TBC1D22A: variants seen among roughly 807,000 people sequenced by gnomAD.
TBC1D22A encodes TBC1 domain family member 22A, also known as putative GTPase activator.
A neutral mutation model predicts 60.2 loss-of-function variants in TBC1D22A; 38 were observed. The observed-to-expected ratio is 0.63, with a 90% CI of 0.49 to 0.83. The LOEUF (loss-of-function observed/expected upper bound fraction) is 0.83. Among genes scored for constraint, TBC1D22A ranks in the 40% least tolerant of loss-of-function variants. TBC1D22A has a pLI of 0.00. For synonymous variants in TBC1D22A, 302 were observed against 281.7 expected, an observed-to-expected ratio of 1.07 and a Z score of -0.72; for missense variants, 628 against 701.0, an observed-to-expected ratio of 0.90 and a Z score of 1.18.
intron 12 of TBC1D22A, among the ~76,000 whole-genome samples, chr22:47,167,506 C>T (rs891456925): frequency 2.6e-5 from 4 of 152,210 alleles, no homozygotes; most frequent in African/African-American, 4.8e-5. Flanking sequence ...GCTCAGCAAG[C>T]ATTACAGCTC....
intron 1 of TBC1D22A, among the ~76,000 whole-genome samples, chr22:46,768,663 C>T (rs1601783715): frequency 6.6e-6 from 1 of 152,180 alleles, no homozygotes; most frequent in Non-Finnish European, 1.5e-5. Flanking sequence ...TCACAGCACA[C>T]TGGGCTTGAG....
chr22:46,898,714 A>T (rs1201335252), intron 7 of TBC1D22A, among the ~76,000 whole-genome samples: 2 of 152,200 alleles, frequency 1.3e-5, no homozygotes, highest in African/African-American at 4.8e-5. Flanking sequence ...CCATGGTGAA[A>T]TTTTTACAGA....
At chr22:46,908,520 G>A (rs1266259357) in intron 7 of TBC1D22A, among the ~76,000 whole-genome samples, 1 of 152,202 alleles carries the variant, frequency 6.6e-6, no homozygotes, top group Non-Finnish European at 1.5e-5. Flanking sequence ...TTGGATGACA[G>A]CGGACATCAA....
chr22:47,069,478 A>C (rs2063884756), intron 11 of TBC1D22A, among the ~76,000 whole-genome samples: 1 of 152,136 alleles, frequency 6.6e-6, no homozygotes, highest in Non-Finnish European at 1.5e-5. Flanking sequence ...TCAGTGTTGC[A>C]TATGTCAGGA....
chr22:47,133,474 C>T (rs1022654720), intron 12 of TBC1D22A, among the ~76,000 whole-genome samples: 2 of 152,170 alleles, frequency 1.3e-5, no homozygotes, highest in Non-Finnish European at 2.9e-5. Context: ...GAAAGGGCCG[C>T]CTGTGGGGGG....
chr22:46,963,399 G>A (rs2073640277), intron 8 of TBC1D22A, among the ~76,000 whole-genome samples: 2 of 152,206 alleles, frequency 1.3e-5, no homozygotes, highest in Non-Finnish European at 2.9e-5. Context: ...AAGGCCCAGG[G>A]AGCCTTCAGA....
intron 12 of TBC1D22A, among the ~76,000 whole-genome samples, chr22:47,114,184 C>G (rs532002164): frequency 6.6e-6 from 1 of 152,054 alleles, no homozygotes; most frequent in South Asian, 2.1e-4. Context: ...TCTCTGAGCC[C>G]GGCCTACTTA....
intron 2 of TBC1D22A, chr22:46,792,803 A>G (rs758777708): frequency 1.4e-6 from 2 of 1,452,710 alleles, no homozygotes; most frequent in East Asian, 5.0e-5. Flanking sequence ...TGATGTGGGG[A>G]GGTGGGGGAG....
intron 11 of TBC1D22A, among the ~76,000 whole-genome samples, chr22:47,075,854 G>T (rs890288747): frequency 5.3e-5 from 8 of 151,826 alleles, no homozygotes; most frequent in Non-Finnish European, 8.8e-5. Context: ...TAAATGGAAA[G>T]AAATACAATA....
At chr22:46,971,853 G>T (rs903104070) in intron 8 of TBC1D22A, among the ~76,000 whole-genome samples, 3 of 152,238 alleles carry the variant, frequency 2.0e-5, no homozygotes, top group African/African-American at 7.2e-5. Context: ...GTGTGCTCAG[G>T]TCAACCCGGG....
chr22:46,801,422 C>T lies in TBC1D22A; in HGVS notation c.637+3802C>T, dbSNP rs73182618. 7.2e-3 allele frequency among the ~76,000 whole-genome samples: 1,097 copies of T among 152,338 alleles called. 9 individuals carry two copies. The highest frequency in any genetic ancestry group is 9.2e-3 in the Non-Finnish European group (625 of 68,032). On this transcript the variant is annotated intron_variant, in intron 4 of 12. Transcript: ENST00000337137. Reference sequence around the variant, plus strand: ...ACCTGCTGAATATCATTCTGTCCAGCGGAGTGCTGTTTTTCTTTGTTTAGC... The same window carrying T: ...ACCTGCTGAATATCATTCTGTCCAGTGGAGTGCTGTTTTTCTTTGTTTAGC...
chr22:46,873,340 A>G (rs781451632), intron 4 of TBC1D22A, among the ~76,000 whole-genome samples: 2 of 152,176 alleles, frequency 1.3e-5, no homozygotes, highest in East Asian at 1.9e-4. Flanking sequence ...TAAAATCACA[A>G]TCAGATACCC....
At chr22:47,107,593 G>A (rs971691243) in intron 11 of TBC1D22A, among the ~76,000 whole-genome samples, 6 of 152,294 alleles carry the variant, frequency 3.9e-5, no homozygotes, top group African/African-American at 1.4e-4. Context: ...CTGATTAAAC[G>A]AAGAGCTATA....
chr22:46,954,121 C>T (rs9616174), intron 8 of TBC1D22A, among the ~76,000 whole-genome samples: 8,551 of 152,144 alleles, frequency 0.056, 343 homozygotes, highest in Non-Finnish European at 0.088. Context: ...GTCCACAGGG[C>T]CCATAGGCAC....
At chr22:47,050,305 G>A (rs1379526922) in intron 11 of TBC1D22A, among the ~76,000 whole-genome samples, 1 of 152,188 alleles carries the variant, frequency 6.6e-6, no homozygotes, top group East Asian at 1.9e-4. Context: ...GCGCCTGGCC[G>A]AGAGGGGGCA....
At chr22:47,089,782 T>C (rs532395427) in intron 11 of TBC1D22A, among the ~76,000 whole-genome samples, 1 of 152,328 alleles carries the variant, frequency 6.6e-6, no homozygotes, top group South Asian at 2.1e-4. Context: ...CCCTGGTTAA[T>C]GGTTATTGGG....
chr22:46,985,292 C>T (rs966061860), intron 9 of TBC1D22A, among the ~76,000 whole-genome samples: 6 of 152,090 alleles, frequency 3.9e-5, no homozygotes, highest in Admixed American at 2.0e-4. Context: ...CCTGGAGCGC[C>T]GAGTCCGTTT....
chr22:46,952,005 C>T (rs17762608), intron 8 of TBC1D22A, among the ~76,000 whole-genome samples: 16 of 152,216 alleles, frequency 1.1e-4, no homozygotes, highest in African/African-American at 2.9e-4. Flanking sequence ...CTGTTTGTTA[C>T]GAGTTTTGTA....
At chr22:46,769,388 G>T (rs555820129) in intron 1 of TBC1D22A, among the ~76,000 whole-genome samples, 7 of 152,244 alleles carry the variant, frequency 4.6e-5, no homozygotes, top group African/African-American at 1.4e-4. Context: ...GCTGTGGTGC[G>T]TGCTGAGCAA....
Sources: gnomAD v4.1 joint callset for allele counts (sites outside exome capture counted in the v4.1 genomes callset) on GRCh38, gnomAD v4.1.1 for gene constraint, MANE v1.5 for transcripts, NCBI Gene and HGNC (gene_info 2026-07-23, HGNC 2026-07-21) for gene names.